The following EFCAB11 variants were observed in gnomAD, a reference collection of about 807,000 sequenced individuals.
The protein encoded by EFCAB11 is EF-hand calcium binding domain 11.
EFCAB11 carries 14 observed loss-of-function variants against 23.0 expected under a neutral mutation model. The observed-to-expected ratio is 0.61, with a 90% CI of 0.40 to 0.95. EFCAB11 has a LOEUF of 0.95. Ranked by LOEUF, EFCAB11 falls within the 40% of genes least tolerant of loss-of-function variation. The pLI is 0.00. For synonymous variants in EFCAB11, 65 were observed against 66.6 expected (o/e 0.98, Z 0.11); for missense variants, 198 against 195.8 (o/e 1.01, Z -0.07).
In EFCAB11 at chr14:89,858,031, T is replaced by C. The variant is rs60465924; in HGVS notation, c.411-60707A>G. Among the ~76,000 whole-genome samples the C allele has an allele frequency of 7.5e-3, 1,145 of 152,334 alleles. 17 individuals are homozygous for C. Among genetic ancestry groups the C allele is most frequent in the African/African-American group, 0.026 (1,072 of 41,560 alleles). On this transcript the variant is annotated intron_variant, in intron 5 of 5. Transcript: ENST00000316738. Reference sequence around the variant, plus strand: ...ATCTAAGGTAGCAAACAGAATCTAATGGTACAGGCTGTGGCAGTTTTAAAC... The same window carrying C: ...ATCTAAGGTAGCAAACAGAATCTAACGGTACAGGCTGTGGCAGTTTTAAAC...
At chr14:89,838,969 A>G (rs1887171735) in intron 5 of EFCAB11, among the ~76,000 whole-genome samples, 1 of 152,218 alleles carries the variant, frequency 6.6e-6, no homozygotes, top group African/African-American at 2.4e-5. Flanking sequence ...TAAAGGACTG[A>G]GTAGTTTTGA....
At chr14:89,902,648 G>A (rs1015781901) in intron 5 of EFCAB11, among the ~76,000 whole-genome samples, 2 of 152,122 alleles carry the variant, frequency 1.3e-5, no homozygotes, top group Non-Finnish European at 2.9e-5. Context: ...GAGGAAAATA[G>A]AATACTTAGA....
chr14:89,950,655 C>G (rs1891136499), intron 2 of EFCAB11, among the ~76,000 whole-genome samples: 1 of 152,102 alleles, frequency 6.6e-6, no homozygotes, highest in Non-Finnish European at 1.5e-5. Flanking sequence ...CCCTATGCAT[C>G]TTTAAACATT....
chr14:89,850,670 A>ATG (rs892192105), intron 5 of EFCAB11, among the ~76,000 whole-genome samples: 1 of 152,132 alleles, frequency 6.6e-6, no homozygotes, highest in Non-Finnish European at 1.5e-5. Context: ...ATATGTATGT[A>ATG]TGTGTGTGTG....
chr14:89,825,665 TAAGGA>T (rs1488375250), intron 5 of EFCAB11, among the ~76,000 whole-genome samples: 1 of 152,074 alleles, frequency 6.6e-6, no homozygotes. Flanking sequence ...AAAAATATCA[TAAGGA>T]AATAGTATAT....
At chr14:89,944,427 C>G (rs1300166847) in intron 3 of EFCAB11, among the ~76,000 whole-genome samples, 1 of 152,194 alleles carries the variant, frequency 6.6e-6, no homozygotes, top group Non-Finnish European at 1.5e-5. Flanking sequence ...GGTGGGGACA[C>G]AGCCAATCCA....
intron 5 of EFCAB11, among the ~76,000 whole-genome samples, chr14:89,802,681 C>T (rs540147327): frequency 5.9e-5 from 9 of 152,214 alleles, no homozygotes; most frequent in Non-Finnish European, 1.3e-4. Flanking sequence ...GCGTGAGCCA[C>T]TGCGGTCGGA....
intron 3 of EFCAB11, among the ~76,000 whole-genome samples, chr14:89,934,655 T>TC (rs1362397206): frequency 6.6e-6 from 1 of 152,098 alleles, no homozygotes; most frequent in African/African-American, 2.4e-5. Context: ...AGCATTTTTT[T>TC]CCATAGTTGT....
intron 5 of EFCAB11, among the ~76,000 whole-genome samples, chr14:89,866,588 A>G (rs1485925248): frequency 6.6e-6 from 1 of 152,086 alleles, no homozygotes; most frequent in African/African-American, 2.4e-5. Flanking sequence ...CTTGCCTAAA[A>G]TGCTCTCCTA....
At chr14:89,834,385 A>AC (rs1886996139) in intron 5 of EFCAB11, among the ~76,000 whole-genome samples, 4 of 148,402 alleles carry the variant, frequency 2.7e-5, no homozygotes, top group African/African-American at 5.0e-5. Flanking sequence ...CAAAAAAAAA[A>AC]AAAAAAAAAA....
chr14:89,856,478 C>T (rs144506782), intron 5 of EFCAB11, among the ~76,000 whole-genome samples: 221 of 152,290 alleles, frequency 1.5e-3, no homozygotes, highest in African/African-American at 5.0e-3. Context: ...GCATGAGTCA[C>T]CATGCCGTAT....
intron 5 of EFCAB11, among the ~76,000 whole-genome samples, chr14:89,922,795 A>C (rs1469651738): frequency 6.6e-6 from 1 of 152,202 alleles, no homozygotes; most frequent in African/African-American, 2.4e-5. Flanking sequence ...GGGTACAAAT[A>C]ACTATGAAAA....
intron 5 of EFCAB11, among the ~76,000 whole-genome samples, chr14:89,884,132 A>G (rs1888681142): frequency 6.6e-6 from 1 of 152,204 alleles, no homozygotes; most frequent in Non-Finnish European, 1.5e-5. Flanking sequence ...GTCTCTAAAA[A>G]ATAATAAGAA....
At chr14:89,813,306 T>C (rs1457237385) in intron 5 of EFCAB11, among the ~76,000 whole-genome samples, 1 of 152,204 alleles carries the variant, frequency 6.6e-6, no homozygotes, top group East Asian at 1.9e-4. Context: ...ATACGATACC[T>C]TGATATCTAG....
At chr14:89,821,780 C>G (rs116200248) in intron 5 of EFCAB11, among the ~76,000 whole-genome samples, 2 of 152,148 alleles carry the variant, frequency 1.3e-5, no homozygotes, top group Admixed American at 6.5e-5. Flanking sequence ...TTTTAAACAC[C>G]TCCTCCTCTA....
chr14:89,841,912 C>T (rs895910783), intron 5 of EFCAB11, among the ~76,000 whole-genome samples: 45 of 152,052 alleles, frequency 3.0e-4, no homozygotes, highest in African/African-American at 1.1e-3. Flanking sequence ...TTCTGAGCTT[C>T]AGAACAACGC....
At chr14:89,801,707 G>A (rs1324380807) in intron 5 of EFCAB11, among the ~76,000 whole-genome samples, 3 of 152,104 alleles carry the variant, frequency 2.0e-5, no homozygotes, top group African/African-American at 7.2e-5. Flanking sequence ...TTAAAAAGTG[G>A]TTATAGGCCA....
At chr14:89,917,158 T>C (rs981237473) in intron 5 of EFCAB11, among the ~76,000 whole-genome samples, 2 of 150,756 alleles carry the variant, frequency 1.3e-5, no homozygotes, top group Non-Finnish European at 3.0e-5. Flanking sequence ...ACACAACACA[T>C]TAACTATAGT....
rs529097427 is a variant in EFCAB11, at chr14:89,884,161, C to T, written c.410+47380G>A. Among the ~76,000 whole-genome samples, 6 of 152,034 alleles carry T rather than the reference C, an allele frequency of 3.9e-5. No individual in the cohort carries two copies. The East Asian group carries it at 7.7e-4, about 20-fold the overall frequency. On this transcript the variant is annotated intron_variant, in intron 5 of 5. Coordinates refer to ENST00000316738, the MANE Select transcript of EFCAB11 (RefSeq NM_145231.4). ...ATAAGAAAACAGTAATTTTTAAATG[C>T]CCTTAACAAAAAAAAATTATACAAT...
Sources: gnomAD v4.1 joint callset for allele counts (sites outside exome capture counted in the v4.1 genomes callset) on GRCh38, gnomAD v4.1.1 for gene constraint, MANE v1.5 for transcripts, NCBI Gene and HGNC (gene_info 2026-07-23, HGNC 2026-07-21) for gene names.